NEMP1: variants seen among roughly 807,000 people sequenced by gnomAD.
The protein encoded by NEMP1 is transmembrane protein 194.
In NEMP1, 29 loss-of-function variants were observed where a neutral mutation model predicts 53.7. That is an observed-to-expected ratio of 0.54 (90% CI 0.40 to 0.74). NEMP1 has a LOEUF of 0.74. NEMP1 is among the 30% of genes least tolerant of loss of function. The probability of loss-of-function intolerance (pLI) is 0.00; values close to 1 mark genes in which losing one functional copy is unlikely to be tolerated. For missense variants in NEMP1, 477 were observed against 528.6 expected (o/e 0.90, Z 0.96); for synonymous variants, 193 against 192.9 (o/e 1.00, Z 0.00).
chr12:57,084,674 C>T (rs1565669528), intron 1 of NEMP1, among the ~76,000 whole-genome samples: 2 of 152,096 alleles, frequency 1.3e-5, no homozygotes, highest in Non-Finnish European at 2.9e-5. Flanking sequence ...CCAGTAACAC[C>T]ACAGGATGAA....
chr12:57,069,109 C>A, intron 4 of NEMP1, 125 bp downstream of exon 4: 1 of 548,764 alleles, frequency 1.8e-6, no homozygotes, highest in Non-Finnish European at 3.1e-6. Flanking sequence ...TTTAAATATC[C>A]AAGCAGGCAA....
Position 57,059,888 on chromosome 12 carries a change from A to C in NEMP1, c.1326T>G (p.Phe442Leu), listed in dbSNP as rs765870496. ...GATAACTGACCACTACCTAGGTTAG[A>C]AAGTTGTTCTGTGTGATAGCAGGAC... ...SRCPAITQNNFLT is the reference protein window; with the variant it reads ...SRCPAITQNNLLT The change falls in exon 9 of 9, where the codon TTT becomes TTG. Residue 442 changes from phenylalanine (F) to leucine (L), a missense_variant. By Grantham distance (22) the Phe-to-Leu change is conservative (BLOSUM62 0). Transcript: ENST00000300128. The C allele has an allele frequency of 1.9e-6, 3 of 1,613,482 alleles. No individual in the cohort carries two copies. Among genetic ancestry groups the C allele is most frequent in the Non-Finnish European group, 2.5e-6 (3 of 1,179,790 alleles).
chr12:57,078,860 C>G (rs2032757697), upstream of NEMP1: 2 of 1,248,094 alleles, frequency 1.6e-6, no homozygotes, highest in Admixed American at 4.6e-5. Context: ...ATGGGATGGG[C>G]AGGGCTTCGA....
At chr12:57,064,298 C>A in intron 5 of NEMP1, 113 bp from the exon 6 acceptor site, 1 of 618,582 alleles carries the variant, frequency 1.6e-6, no homozygotes. Context: ...ACTCAAAATG[C>A]ACAAAAAACA....
At chr12:57,087,474 G>T (rs992447722) in intron 1 of NEMP1, among the ~76,000 whole-genome samples, 1 of 151,898 alleles carries the variant, frequency 6.6e-6, no homozygotes, top group Non-Finnish European at 1.5e-5. Context: ...CCCACACCCC[G>T]TACGGGGTCG....
At position 57,078,722 on chromosome 12, in the gene NEMP1, C is replaced by A. The variant is rs1276548276; in HGVS notation, c.24G>T (p.Ala8=). 2 of 1,612,798 alleles carry A rather than the reference C, an allele frequency of 1.2e-6. No homozygotes were observed. The highest frequency in any genetic ancestry group is 1.7e-6 in the Non-Finnish European group (2 of 1,179,224). Residue 8 remains alanine (A), a synonymous_variant, in exon 1 of 9, where the codon GCG becomes GCT. Coordinates refer to ENST00000300128, the MANE Select transcript of NEMP1 (RefSeq NM_001130963.2). ...GCCCGGGACCAACTGCCGGCGAGAC[C>A]GCCACTTTCATTCCTCCCGCCATGG... The part of the protein sequence containing the change: MAGGMKV[A]VSPAVGPGPW...
intron 2 of NEMP1, 33 bp from the exon 3 acceptor site, chr12:57,070,926 AG>A: frequency 6.5e-7 from 1 of 1,535,250 alleles, no homozygotes; most frequent in Non-Finnish European, 8.8e-7. Context: ...ATGAGAAAAA[AG>A]GAAGTAGGAA....
intron 4 of NEMP1, among the ~76,000 whole-genome samples, chr12:57,065,507 A>G (rs2032027513): frequency 6.7e-6 from 1 of 149,508 alleles, no homozygotes; most frequent in Non-Finnish European, 1.5e-5. Context: ...CTTCTATATC[A>G]GTGCTTGGTT....
chr12:57,085,248 A>G (rs376769960), intron 1 of NEMP1, among the ~76,000 whole-genome samples: 19 of 152,202 alleles, frequency 1.2e-4, no homozygotes, highest in African/African-American at 4.3e-4. Context: ...GGCGCCATCA[A>G]GGCTCACTGC....
Position 57,064,660 on chromosome 12 carries a change from T to C in NEMP1, c.625A>G (p.Lys209Glu). 1 of 1,611,490 alleles carries C rather than the reference T, an allele frequency of 6.2e-7. No individual in the cohort carries two copies. The highest frequency in any genetic ancestry group is 8.5e-7 in the Non-Finnish European group (1 of 1,178,336). ...CTGATACTTACCTTAGGCATAAACT[T>C]AGATAGTATAAAAATGATGATTAGC... ...SLLIIIFILS[K>E]FMPKKSPIYV... The change falls in exon 5 of 9, where the codon AAG becomes GAG. Residue 209 changes from lysine to glutamate, a missense_variant. Transcript: ENST00000300128.
In NEMP1 at chr12:57,086,878, G is replaced by A. The variant is rs1490722169; in HGVS notation, n.113+1073C>T. Among the ~76,000 whole-genome samples, 3 of 152,360 alleles carry A rather than the reference G, an allele frequency of 2.0e-5. No homozygotes were observed. The South Asian group carries it at 6.2e-4, about 32-fold the overall frequency. ...AATCTCGGGTACAGAGACACAAACT[G>A]GCAGTAGCGTCTTAAATATGCTTAG... On this transcript the variant is annotated intron_variant and non_coding_transcript_variant, in intron 1 of 2. Transcript: ENST00000553654.
intron 1 of NEMP1, among the ~76,000 whole-genome samples, chr12:57,075,833 T>A (rs902159145): frequency 6.6e-6 from 1 of 151,586 alleles, no homozygotes; most frequent in East Asian, 1.9e-4. Context: ...CCGGGCATGG[T>A]GGCACACACC....
At chr12:57,071,471 G>A (rs1195476504) in intron 2 of NEMP1, among the ~76,000 whole-genome samples, 3 of 151,958 alleles carry the variant, frequency 2.0e-5, no homozygotes, top group Non-Finnish European at 4.4e-5. Flanking sequence ...GCCACCTCCT[G>A]GATTCAAGCG....
exon 1 of NEMP1, chr12:57,087,976 G>C (rs1407559790): frequency 2.6e-5 from 4 of 152,348 alleles, no homozygotes; most frequent in East Asian, 3.9e-4. Context: ...GAAACCAAAG[G>C]GGGAGACGGT....
intron 8 of NEMP1, 30 bp downstream of exon 8, chr12:57,060,742 T>C (rs770247348): frequency 8.8e-6 from 14 of 1,598,740 alleles, no homozygotes; most frequent in South Asian, 2.3e-5. Context: ...ATTACCCTGA[T>C]AGATGCTTGG....
chr12:57,085,804 G>A (rs2032973409), intron 1 of NEMP1, among the ~76,000 whole-genome samples: 1 of 152,224 alleles, frequency 6.6e-6, no homozygotes, highest in South Asian at 2.1e-4. Context: ...CTTTACAAGG[G>A]AAAGAGATAT....
chr12:57,087,768 A>C (rs1379108629), intron 1 of NEMP1, among the ~76,000 whole-genome samples: 6 of 151,768 alleles, frequency 4.0e-5, no homozygotes, highest in Non-Finnish European at 2.9e-5. Context: ...AAGTGCGGAC[A>C]GAGAGGCGGG....
At chr12:57,080,852 C>G (rs2032826583), upstream of NEMP1, among the ~76,000 whole-genome samples, 1 of 149,502 alleles carries the variant, frequency 6.7e-6, no homozygotes, top group Non-Finnish European at 1.5e-5. Context: ...GATCATGCCA[C>G]TTCACTCCAG....
At chr12:57,074,007 T>G (rs180675158) in intron 1 of NEMP1, among the ~76,000 whole-genome samples, 8 of 152,122 alleles carry the variant, frequency 5.3e-5, no homozygotes, top group African/African-American at 1.7e-4. Context: ...CTGGCTCTGC[T>G]GCTCAGGCTG....
Sources: allele counts gnomAD v4.1 joint callset (sites outside exome capture counted in the v4.1 genomes callset), GRCh38; gene constraint gnomAD v4.1.1; transcripts MANE v1.5; gene names NCBI Gene and HGNC (gene_info 2026-07-23, HGNC 2026-07-21).